The following NAV1 variants were observed in gnomAD, a reference collection of about 807,000 sequenced individuals.
The protein encoded by NAV1 is neuron navigator 1, also known as pore membrane and/or filament interacting like protein 3.
Under a neutral mutation model 175.2 loss-of-function variants are expected in NAV1, and 18 were observed. That is an observed-to-expected ratio of 0.10 (90% CI 0.07 to 0.15). NAV1 has a LOEUF of 0.15. NAV1 is among the 10% of genes least tolerant of loss of function. The probability of loss-of-function intolerance (pLI) is 1.00; values close to 1 mark genes in which losing one functional copy is unlikely to be tolerated. For missense variants in NAV1, 1,731 were observed against 2,436.6 expected (o/e 0.71, Z 6.10); for synonymous variants, 897 against 978.7 (o/e 0.92, Z 1.56).
At position 201,567,376 on chromosome 1, in the gene NAV1, G is replaced by T. The variant is rs1010983196; in HGVS notation, c.-143-21163G>T. 4.6e-5 allele frequency among the ~76,000 whole-genome samples: 7 copies of T among 152,346 alleles called. 1 individual carries two copies. The South Asian group carries it at 1.0e-3, about 23-fold the overall frequency. The stretch of plus-strand genomic sequence containing the variant: ...GTCCTGTCAAGTTACCGGGGTTGGA[G>T]CCCGCGCTGTAGGAGCTGGGCCACT... On this transcript the variant is annotated intron_variant, in intron 1 of 33. Coordinates refer to the NAV1 transcript ENST00000685211.
chr1:201,655,463 G>T (rs559953610), intron 1 of NAV1, among the ~76,000 whole-genome samples: 12 of 152,350 alleles, frequency 7.9e-5, no homozygotes, highest in Non-Finnish European at 1.2e-4. Flanking sequence ...GGGGAGGTAG[G>T]GGGGGCCAGG....
chr1:201,772,532 T>C (rs1675653489), intron 3 of NAV1, among the ~76,000 whole-genome samples: 1 of 152,218 alleles, frequency 6.6e-6, no homozygotes, highest in South Asian at 2.1e-4. Context: ...ATTATGTTTA[T>C]CAGTATTGTA....
At chr1:201,548,044 G>A (rs570300920) in intron 1 of NAV1, among the ~76,000 whole-genome samples, 24 of 152,204 alleles carry the variant, frequency 1.6e-4, no homozygotes, top group African/African-American at 5.1e-4. Flanking sequence ...TACCCACCTC[G>A]CCCTCCCAAA....
At chr1:201,599,701 G>GC (rs1200997587) in intron 2 of NAV1, among the ~76,000 whole-genome samples, 1 of 152,148 alleles carries the variant, frequency 6.6e-6, no homozygotes, top group African/African-American at 2.4e-5. Context: ...CCGAGCGCCT[G>GC]CTCTGATTCT....
At chr1:201,615,263 C>CTTTTTTTTTTT (rs1256633287) in intron 2 of NAV1, among the ~76,000 whole-genome samples, 2 of 145,024 alleles carry the variant, frequency 1.4e-5, no homozygotes, top group African/African-American at 5.3e-5. Flanking sequence ...TTCTTTCTTT[C>CTTTTTTTTTTT]TTTCTTTTTT....
At chr1:201,711,594 G>A (rs1327122962) in intron 1 of NAV1, among the ~76,000 whole-genome samples, 1 of 152,242 alleles carries the variant, frequency 6.6e-6, no homozygotes. Flanking sequence ...GCTTGCGGAT[G>A]GAGGGGAAAA....
At chr1:201,712,858 G>A in exon 2 of NAV1, 1 of 1,614,044 alleles carries the variant, frequency 6.2e-7, no homozygotes, top group Non-Finnish European at 8.5e-7. Context: ...GAATGTCCTG[G>A]ATCTCCGGCA....
chr1:201,785,238 A>C, intron 7 of NAV1, 72 bp from the exon 12 acceptor site: 1 of 1,546,172 alleles, frequency 6.5e-7, no homozygotes, highest in Non-Finnish European at 8.8e-7. Flanking sequence ...AATGGTCCTA[A>C]ACTCTAGTTC....
At chr1:201,557,856 G>A (rs1257972234) in intron 1 of NAV1, among the ~76,000 whole-genome samples, 1 of 152,178 alleles carries the variant, frequency 6.6e-6, no homozygotes, top group Non-Finnish European at 1.5e-5. Context: ...AAGGACGAAA[G>A]GACTCCTCAG....
intron 3 of NAV1, among the ~76,000 whole-genome samples, chr1:201,766,545 T>C (rs1338756377): frequency 6.6e-6 from 1 of 152,144 alleles, no homozygotes; most frequent in East Asian, 1.9e-4. Context: ...TTTTTAAAAA[T>C]CACTTATCCT....
chr1:201,802,457 T>TAAAAAAAAAAAAAAAA (rs34494216), intron 15 of NAV1, among the ~76,000 whole-genome samples: 1 of 101,084 alleles, frequency 9.9e-6, no homozygotes, highest in Non-Finnish European at 1.9e-5. Context: ...CCTGTCTCAT[T>TAAAAAAAAAAAAAAAA]AAAAAAAAAA....
intron 1 of NAV1, among the ~76,000 whole-genome samples, chr1:201,628,636 A>G (rs1217697911): frequency 6.6e-6 from 1 of 152,158 alleles, no homozygotes; most frequent in African/African-American, 2.4e-5. Flanking sequence ...CCAAGCTGCC[A>G]AAGTCTCCAT....
intron 1 of NAV1, among the ~76,000 whole-genome samples, chr1:201,550,961 G>T (rs907272118): frequency 1.3e-5 from 2 of 152,190 alleles, no homozygotes; most frequent in East Asian, 1.9e-4. Flanking sequence ...CACTGCAAAG[G>T]TTCCTCTGGT....
In NAV1 at chr1:201,810,462, G is replaced by A; in HGVS notation, c.4562-61G>A. 1 of 1,476,224 alleles carries A rather than the reference G, an allele frequency of 6.8e-7. No homozygotes were observed. The highest frequency in any genetic ancestry group is 9.2e-7 in the Non-Finnish European group (1 of 1,085,538). 91.4% of individuals were successfully genotyped at this position (1,476,224 alleles called of 1,614,324 possible). A position where few individuals can be genotyped will look rare whatever the true frequency, so the allele number is the denominator to read the frequency against. On this transcript the variant is annotated intron_variant, in intron 23 of 29. Transcript: ENST00000367296. The surrounding 1 kb of genome is among the most constrained non-coding windows in gnomAD (Gnocchi z 6.0). ...TAGATAAAGAAAGAAAAGCCCTTTA[G>A]GATCCCTTGCTATCCTCAAGACCCT...
rs12141124 is a variant in NAV1, at chr1:201,777,455, A to C, written c.1227-2966A>C. On this transcript the variant is annotated intron_variant, in intron 3 of 29. Coordinates refer to ENST00000367296, the Ensembl canonical transcript of NAV1. ...CTGGATCCTTATTAGAGCATGTACTATTTCTTTTGTTTTGTTTGTAGTGAC... is the reference window on the plus strand; with the variant it reads ...CTGGATCCTTATTAGAGCATGTACTCTTTCTTTTGTTTTGTTTGTAGTGAC... Among the ~76,000 whole-genome samples, 383 of 151,354 alleles carry C rather than the reference A, an allele frequency of 2.5e-3. 3 individuals carry two copies. Among genetic ancestry groups the C allele is most frequent in the Middle Eastern group, 3.5e-3 (1 of 284 alleles).
rs539897744 is a variant in NAV1, at chr1:201,605,726, C to T, written c.-33+17077C>T. 4.6e-5 allele frequency among the ~76,000 whole-genome samples: 7 copies of T among 152,256 alleles called. No homozygotes were observed. The East Asian group carries it at 1.2e-3, about 25-fold the overall frequency. ...GTAAAGGAGAATACTTTCCAATAAG[C>T]CATAGGTGTGGGTGCATCTGAATTG... On this transcript the variant is annotated intron_variant, in intron 2 of 33. Coordinates refer to the NAV1 transcript ENST00000685211.
intron 2 of NAV1, among the ~76,000 whole-genome samples, chr1:201,597,961 C>G (rs1487782413): frequency 6.6e-6 from 1 of 152,170 alleles, no homozygotes. Flanking sequence ...GGAGGGAGTT[C>G]AGCTGCAGGA....
intron 1 of NAV1, among the ~76,000 whole-genome samples, chr1:201,699,742 G>C (rs915791719): frequency 2.0e-5 from 3 of 152,150 alleles, no homozygotes; most frequent in African/African-American, 7.2e-5. Flanking sequence ...CCAAAACAGA[G>C]ATGTAGACCA....
chr1:201,706,126 C>T (rs1324148256), intron 1 of NAV1, among the ~76,000 whole-genome samples: 1 of 152,170 alleles, frequency 6.6e-6, no homozygotes, highest in Non-Finnish European at 1.5e-5. Flanking sequence ...AAGCACCAGA[C>T]GATCATCAAC....
Sources: gnomAD v4.1 joint callset for allele counts (sites outside exome capture counted in the v4.1 genomes callset) on GRCh38, gnomAD v4.1.1 for gene constraint, Gnocchi (gnomAD v3.1) non-coding constraint, MANE v1.5 for transcripts, NCBI Gene and HGNC (gene_info 2026-07-23, HGNC 2026-07-21) for gene names.